RYR2: variants seen among roughly 807,000 people sequenced by gnomAD.
The protein encoded by RYR2 is ryanodine receptor 2, also known as cardiac muscle ryanodine receptor-calcium release channel.
A neutral mutation model predicts 601.1 loss-of-function variants in RYR2; 227 were observed. The ratio of observed to expected loss-of-function variants is 0.38; its 90% CI spans 0.34 to 0.42. The LOEUF (loss-of-function observed/expected upper bound fraction) is 0.42, where lower values mean the gene tolerates loss of function less well. Ranked by LOEUF, RYR2 falls within the 10% of genes least tolerant of loss-of-function variation. RYR2 has a pLI of 1.00. For missense variants in RYR2, 4,646 were observed against 6,156.5 expected, an observed-to-expected ratio of 0.75 and a Z score of 8.21; for synonymous variants, 2,223 against 2,175.1, an observed-to-expected ratio of 1.02 and a Z score of -0.61.
chr1:237,782,907 T>G (rs1025546049), intron 89 of RYR2, among the ~76,000 whole-genome samples: 4 of 152,174 alleles, frequency 2.6e-5, no homozygotes, highest in African/African-American at 4.8e-5. Context: ...TCCCACACTC[T>G]TAACACCACG....
chr1:237,476,166 C>T lies in RYR2; in HGVS notation c.1708+6979C>T, dbSNP rs566482903. On this transcript the variant is annotated intron_variant, in intron 17 of 104. Coordinates refer to ENST00000366574, the MANE Select transcript of RYR2 (RefSeq NM_001035.3). Reference sequence around the variant, plus strand: ...TGGCATTCCTGCCATTTCTTCCCCTCTCTTAGTAAGTGCCAGTGAGTGAAG... The same window carrying T: ...TGGCATTCCTGCCATTTCTTCCCCTTTCTTAGTAAGTGCCAGTGAGTGAAG... 3.9e-5 allele frequency among the ~76,000 whole-genome samples: 6 copies of T among 152,318 alleles called. No individual in the cohort carries two copies. In the East Asian group the frequency reaches 9.6e-4, roughly 24 times the overall value.
At chr1:237,594,886 G>GTTTTTT (rs776702428) in intron 33 of RYR2, among the ~76,000 whole-genome samples, 8 of 60,418 alleles carry the variant, frequency 1.3e-4, no homozygotes, top group African/African-American at 5.7e-4. Context: ...ATATCACTGG[G>GTTTTTT]TTTTTTTTTT....
At chr1:237,218,577 A>C (rs968529450) in intron 1 of RYR2, among the ~76,000 whole-genome samples, 10 of 152,178 alleles carry the variant, frequency 6.6e-5, no homozygotes, top group Admixed American at 3.9e-4. Flanking sequence ...TCCTCAAAAA[A>C]ATTTCTTTCA....
intron 1 of RYR2, among the ~76,000 whole-genome samples, chr1:237,050,394 C>T (rs1661104858): frequency 6.6e-6 from 1 of 152,170 alleles, no homozygotes; most frequent in African/African-American, 2.4e-5. Flanking sequence ...CTCCCTGGGA[C>T]ACGTGGTTCT....
intron 100 of RYR2, among the ~76,000 whole-genome samples, chr1:237,810,129 T>C: frequency 6.6e-6 from 1 of 151,898 alleles, no homozygotes; most frequent in East Asian, 1.9e-4. Context: ...GAGTATGACA[T>C]AAAACTCAGG....
At chr1:237,578,300 GA>G (rs11338852) in intron 29 of RYR2, among the ~76,000 whole-genome samples, 43,902 of 151,266 alleles carry the variant, frequency 0.29, 6,815 homozygotes, top group East Asian at 0.61. Context: ...TTTTAGCACA[GA>G]AAAAAAAATG....
chr1:237,479,448 T>C (rs1661785039), intron 17 of RYR2, among the ~76,000 whole-genome samples: 1 of 152,228 alleles, frequency 6.6e-6, no homozygotes, highest in African/African-American at 2.4e-5. Flanking sequence ...TTTGTCTTTA[T>C]ACTGCAGGAG....
intron 24 of RYR2, among the ~76,000 whole-genome samples, chr1:237,518,308 G>C (rs537445974): frequency 6.6e-6 from 1 of 150,968 alleles, no homozygotes; most frequent in Non-Finnish European, 1.5e-5. Context: ...GTGCAATTTT[G>C]TTACATGCAT....
At chr1:237,797,818 G>A (rs1333639773) in intron 96 of RYR2, among the ~76,000 whole-genome samples, 1 of 152,162 alleles carries the variant, frequency 6.6e-6, no homozygotes, top group South Asian at 2.1e-4. Flanking sequence ...TTGAATGAGA[G>A]AGAAATCTTG....
At position 237,095,126 on chromosome 1, in the gene RYR2, G is replaced by A. The variant is rs561764720; in HGVS notation, c.48+52557G>A. On this transcript the variant is annotated intron_variant, in intron 1 of 104. Coordinates refer to ENST00000366574, the MANE Select transcript of RYR2 (RefSeq NM_001035.3). ...GAAAATAAGACCATACATATGGTGA[G>A]CCTTTTCTCCCTTCAGTATTTTTTC... 3.3e-5 allele frequency among the ~76,000 whole-genome samples: 5 copies of A among 152,320 alleles called. No homozygotes were observed. In the East Asian group the frequency reaches 9.6e-4, roughly 29 times the overall value.
intron 3 of RYR2, among the ~76,000 whole-genome samples, chr1:237,347,889 G>A (rs1330855142): frequency 1.3e-5 from 2 of 152,142 alleles, no homozygotes; most frequent in Non-Finnish European, 2.9e-5. Flanking sequence ...CTGAGGTAGC[G>A]AGGACTTGAA....
chr1:237,290,255 G>A (rs1035656862), intron 2 of RYR2, among the ~76,000 whole-genome samples: 5 of 152,202 alleles, frequency 3.3e-5, no homozygotes, highest in African/African-American at 1.2e-4. Flanking sequence ...CAGATGCAGG[G>A]CACTAAAGAC....
At chr1:237,256,728 G>C (rs2149295095) in intron 1 of RYR2, among the ~76,000 whole-genome samples, 1 of 152,180 alleles carries the variant, frequency 6.6e-6, no homozygotes, top group African/African-American at 2.4e-5. Context: ...TCCTAAAATA[G>C]CCCAAAAAAG....
At chr1:237,191,999 T>C (rs1231790120) in intron 1 of RYR2, among the ~76,000 whole-genome samples, 1 of 152,142 alleles carries the variant, frequency 6.6e-6, no homozygotes, top group African/African-American at 2.4e-5. Flanking sequence ...TTCCATGGTC[T>C]TATCACCTGC....
Position 237,355,865 on chromosome 1 carries a change from G to T in RYR2, c.274-100G>T, listed in dbSNP as rs10925382. The T allele has an allele frequency of 0.21, 219,850 of 1,057,470 alleles. 24,728 individuals are homozygous for T. Among genetic ancestry groups the T allele is most frequent in the East Asian group, 0.4 (15,243 of 37,910 alleles). 65.5% of individuals were successfully genotyped at this position (1,057,470 alleles called of 1,614,324 possible). Reference sequence around the variant, plus strand: ...TTTAGAATTGGAAGTAGATTGTGGTGCAAGGACCAAATTGATATCAATTCA... The same window carrying T: ...TTTAGAATTGGAAGTAGATTGTGGTTCAAGGACCAAATTGATATCAATTCA... On this transcript the variant is annotated intron_variant, in intron 3 of 104. Coordinates refer to ENST00000366574, the MANE Select transcript of RYR2 (RefSeq NM_001035.3).
chr1:237,517,011 T>C (rs1029834194), intron 24 of RYR2, among the ~76,000 whole-genome samples: 3 of 152,176 alleles, frequency 2.0e-5, no homozygotes, highest in African/African-American at 7.2e-5. Context: ...GTTCAATGGC[T>C]TCCCATGGAA....
At chr1:237,136,806 A>G (rs1464720906) in intron 1 of RYR2, among the ~76,000 whole-genome samples, 1 of 152,140 alleles carries the variant, frequency 6.6e-6, no homozygotes, top group East Asian at 1.9e-4. Context: ...TCCTGAGGCT[A>G]GGAGTTCAAG....
chr1:237,535,484 T>TACACACACACACACACACACAC (rs58146773), intron 25 of RYR2, among the ~76,000 whole-genome samples: 2 of 144,638 alleles, frequency 1.4e-5, no homozygotes, highest in African/African-American at 5.2e-5. Context: ...CAAACACACA[T>TACACACACACACACACACACAC]ACACACACAC....
intron 1 of RYR2, among the ~76,000 whole-genome samples, chr1:237,055,235 G>A (rs1661839113): frequency 6.6e-6 from 1 of 152,102 alleles, no homozygotes; most frequent in Non-Finnish European, 1.5e-5. Flanking sequence ...CATCCTGGGG[G>A]GACTGGGGAG....
Sources: gnomAD v4.1 joint callset for allele counts (sites outside exome capture counted in the v4.1 genomes callset) on GRCh38, gnomAD v4.1.1 for gene constraint, MANE v1.5 for transcripts, NCBI Gene and HGNC (gene_info 2026-07-23, HGNC 2026-07-21) for gene names.